Variants in IKZF1 observed in about 807,000 individuals in gnomAD.
The protein encoded by IKZF1 is DNA-binding protein Ikaros.
In IKZF1, 10 loss-of-function variants were observed where a neutral mutation model predicts 51.7. That is an observed-to-expected ratio of 0.19 (90% CI 0.12 to 0.33). The LOEUF is 0.33. IKZF1 is among the 10% of genes least tolerant of loss of function. The probability of loss-of-function intolerance (pLI) is 1.00; values close to 1 mark genes in which losing one functional copy is unlikely to be tolerated. For synonymous variants in IKZF1, 280 were observed against 282.3 expected (o/e 0.99, Z 0.08); for missense variants, 484 against 707.5 (o/e 0.68, Z 3.58).
chr7:50,338,584 T>C (rs1423204795), intron 3 of IKZF1, among the ~76,000 whole-genome samples: 1 of 152,236 alleles, frequency 6.6e-6, no homozygotes, highest in Non-Finnish European at 1.5e-5. Flanking sequence ...CATTTTCTGA[T>C]TTGGGAAGTG....
At chr7:50,360,276 G>A (rs79229197) in intron 3 of IKZF1, among the ~76,000 whole-genome samples, 1,975 of 152,140 alleles carry the variant, frequency 0.013, 47 homozygotes, top group African/African-American at 0.045. Flanking sequence ...CAGCCCTGGG[G>A]ATGAGAGGGA....
chr7:50,343,704 G>A (rs1049356671), intron 3 of IKZF1, among the ~76,000 whole-genome samples: 5 of 152,244 alleles, frequency 3.3e-5, no homozygotes, highest in Admixed American at 1.3e-4. Flanking sequence ...ATACAGTGCA[G>A]CAGTGATGGG....
chr7:50,343,704 G>C (rs1049356671), intron 3 of IKZF1, among the ~76,000 whole-genome samples: 1 of 152,244 alleles, frequency 6.6e-6, no homozygotes, highest in Admixed American at 6.5e-5. Context: ...ATACAGTGCA[G>C]CAGTGATGGG....
chr7:50,331,355 G>C (rs899783987), intron 3 of IKZF1, among the ~76,000 whole-genome samples: 2 of 151,972 alleles, frequency 1.3e-5, no homozygotes, highest in African/African-American at 2.4e-5. Context: ...CAGAGTAAGG[G>C]TGCTGGCCGC....
At chr7:50,319,186 G>T (rs1792429918) in intron 2 of IKZF1, 85 bp downstream of exon 2, 2 of 1,135,724 alleles carry the variant, frequency 1.8e-6, no homozygotes, top group East Asian at 2.4e-5. Flanking sequence ...GTATGCTCAT[G>T]GGGGAGGAAT....
intron 1 of IKZF1, chr7:50,318,620 C>T (rs1277210220): frequency 4.2e-5 from 9 of 216,132 alleles, no homozygotes; most frequent in African/African-American, 9.0e-5. Context: ...GCTGATTGTA[C>T]GCGTGTCACC....
intron 3 of IKZF1, among the ~76,000 whole-genome samples, chr7:50,366,142 A>G (rs974901930): frequency 6.6e-6 from 1 of 152,202 alleles, no homozygotes; most frequent in African/African-American, 2.4e-5. Context: ...AGTATCAGAA[A>G]AAATAACAGG....
chr7:50,319,117 A>C lies in IKZF1; in HGVS notation c.40+16A>C. On this transcript the variant is annotated intron_variant, in intron 2 of 7. Transcript: ENST00000331340. ...CAAGTTTCAGGTGAGACCTTATGAG[A>C]TAGCTGTGTGGGAAGTTCATGAGAA... 6.2e-7 allele frequency: 1 copy of C among 1,612,352 alleles called. No individual in the cohort carries two copies. The highest frequency in any genetic ancestry group is 1.1e-5 in the South Asian group (1 of 91,006).
At chr7:50,351,255 A>AT (rs1040376170) in intron 3 of IKZF1, among the ~76,000 whole-genome samples, 45 of 152,256 alleles carry the variant, frequency 3.0e-4, no homozygotes, top group Middle Eastern at 3.4e-3. Context: ...TGTAAATTGG[A>AT]TTTTTTAATT....
At chr7:50,379,114 TG>T (rs1056012606) in intron 4 of IKZF1, among the ~76,000 whole-genome samples, 37 of 152,296 alleles carry the variant, frequency 2.4e-4, no homozygotes, top group Non-Finnish European at 3.1e-4. Context: ...GCTTCAGACC[TG>T]GGGGGAGGCA....
intron 4 of IKZF1, among the ~76,000 whole-genome samples, chr7:50,378,514 A>C (rs1810948331): frequency 6.6e-6 from 1 of 152,260 alleles, no homozygotes; most frequent in African/African-American, 2.4e-5. Context: ...CTGTTAATTC[A>C]TTTAAAGCCT....
intron 3 of IKZF1, among the ~76,000 whole-genome samples, chr7:50,340,323 G>C (rs1222893020): frequency 6.6e-6 from 1 of 152,366 alleles, no homozygotes; most frequent in South Asian, 2.1e-4. Context: ...CTGCTGCCAG[G>C]AGAGTACTTC....
At chr7:50,374,032 A>G (rs1210003210) in intron 3 of IKZF1, among the ~76,000 whole-genome samples, 1 of 152,232 alleles carries the variant, frequency 6.6e-6, no homozygotes, top group Non-Finnish European at 1.5e-5. Flanking sequence ...GCATAATGCC[A>G]GGATCTGATG....
At chr7:50,357,578 C>T (rs1803842150) in intron 3 of IKZF1, among the ~76,000 whole-genome samples, 1 of 152,164 alleles carries the variant, frequency 6.6e-6, no homozygotes, top group South Asian at 2.1e-4. Context: ...GTGCATCTTC[C>T]TCCTGCTGTT....
At chr7:50,317,344 T>G (rs1488023450) in intron 1 of IKZF1, among the ~76,000 whole-genome samples, 1 of 152,252 alleles carries the variant, frequency 6.6e-6, no homozygotes, top group Non-Finnish European at 1.5e-5. Context: ...CCTATATTAG[T>G]GTGGCACGGC....
At chr7:50,326,692 G>C (rs1297716885) in intron 2 of IKZF1, among the ~76,000 whole-genome samples, 1 of 152,144 alleles carries the variant, frequency 6.6e-6, no homozygotes, top group Admixed American at 6.5e-5. Context: ...ATCCTACTTT[G>C]TATAGTATAA....
chr7:50,382,960 G>A (rs1341561776), intron 5 of IKZF1, among the ~76,000 whole-genome samples: 1 of 152,106 alleles, frequency 6.6e-6, no homozygotes, highest in South Asian at 2.1e-4. Flanking sequence ...TCTCACCTTA[G>A]GTAGCATGTT....
chr7:50,376,942 C>T lies in IKZF1; in HGVS notation c.421+149C>T, dbSNP rs1344092422. 25 of 1,346,546 alleles carry T rather than the reference C, an allele frequency of 1.9e-5. No homozygotes were observed. The East Asian group carries it at 3.5e-4, about 19-fold the overall frequency. 83.4% of individuals were successfully genotyped at this position (1,346,546 alleles called of 1,614,324 possible). A position where few individuals can be genotyped will look rare whatever the true frequency, so the allele number is the denominator to read the frequency against. On this transcript the variant is annotated intron_variant, in intron 4 of 7. Coordinates refer to ENST00000331340, the MANE Select transcript of IKZF1 (RefSeq NM_006060.6). The surrounding 1 kb of genome is among the most constrained non-coding windows in gnomAD (Gnocchi z 4.5). ...GCAAGCGATTGGTTCCAAGTGGTAC[C>T]GAGTCATAGAGTCCTTGTTCTGGTA...
In IKZF1 at chr7:50,400,382, C is replaced by A; in HGVS notation, c.1315C>A (p.Arg439Ser). The A allele has an allele frequency of 6.2e-7, 1 of 1,613,132 alleles. No homozygotes were observed. The highest frequency in any genetic ancestry group is 8.5e-7 in the Non-Finnish European group (1 of 1,179,764). The change falls in exon 8 of 8, where the codon CGC (arginine) becomes AGC (serine). Residue 439 changes from arginine (R) to serine (S), a missense_variant. By Grantham distance (110) the Arg-to-Ser change is moderately radical. Around this residue, in one of 6 missense-constraint regions of IKZF1, gnomAD observed 72 missense variants for 67.5 expected, o/e 1.07. Transcript: ENST00000331340. This position sits in a 1 kb window ranked among gnomAD's most constrained non-coding sequence, Gnocchi z 5.4. ...KEEHRAYDLL[R>S]AASENSQDAL... ...GGAGCACCGCGCCTACGACCTGCTG[C>A]GCGCCGCCTCCGAGAACTCGCAGGA...
Sources: gnomAD v4.1 joint callset for allele counts (sites outside exome capture counted in the v4.1 genomes callset) on GRCh38, gnomAD v4.1.1 for gene constraint, gnomAD v4.1.1 regional missense constraint, Gnocchi (gnomAD v3.1) non-coding constraint, MANE v1.5 for transcripts, NCBI Gene and HGNC (gene_info 2026-07-23, HGNC 2026-07-21) for gene names.